The following SNTG1 variants were observed in gnomAD, a reference collection of about 807,000 sequenced individuals.
SNTG1 encodes gamma-1-syntrophin.
SNTG1 carries 39 observed loss-of-function variants against 74.7 expected under a neutral mutation model. The ratio of observed to expected loss-of-function variants is 0.52; its 90% CI spans 0.40 to 0.68. The LOEUF is 0.68. SNTG1 is among the 30% of genes least tolerant of loss of function. The pLI, the probability that SNTG1 is intolerant of heterozygous loss-of-function variation, is 0.00. For synonymous variants in SNTG1, 254 were observed against 217.1 expected (o/e 1.17, Z -1.49); for missense variants, 685 against 609.5 (o/e 1.12, Z -1.30).
chr8:50,394,174 G>A (rs576021915), intron 2 of SNTG1, 38 bp from the exon 3 acceptor site: 28 of 1,538,456 alleles, frequency 1.8e-5, no homozygotes, highest in Non-Finnish European at 2.4e-5. Flanking sequence ...TACATGCCAT[G>A]CTGTGCCTAA....
chr8:50,209,238 T>G (rs916030252), intron 2 of SNTG1, among the ~76,000 whole-genome samples: 4 of 152,100 alleles, frequency 2.6e-5, no homozygotes, highest in African/African-American at 9.7e-5. Flanking sequence ...TCGAACTGGA[T>G]GGAGCCCACT....
At position 50,301,825 on chromosome 8, in the gene SNTG1, G is replaced by C. The variant is rs1320263983; in HGVS notation, c.-27-92387G>C. On this transcript the variant is annotated intron_variant, in intron 2 of 18. Transcript: ENST00000642720. ...ATGTATTTATTGAAGTTTCTGCTCTGTTTTGTTTTTGTTTTTGTTTTCTGT... is the reference window on the plus strand; with the variant it reads ...ATGTATTTATTGAAGTTTCTGCTCTCTTTTGTTTTTGTTTTTGTTTTCTGT... Among the ~76,000 whole-genome samples, 4 of 150,422 alleles carry C rather than the reference G, an allele frequency of 2.7e-5. No individual in the cohort carries two copies. In the South Asian group the frequency reaches 6.3e-4, roughly 24 times the overall value.
intron 3 of SNTG1, among the ~76,000 whole-genome samples, chr8:50,397,532 G>A (rs1230139935): frequency 1.3e-5 from 2 of 152,138 alleles, no homozygotes; most frequent in Non-Finnish European, 2.9e-5. Context: ...TCCTAGTAGC[G>A]TGGCTTTGGG....
intron 8 of SNTG1, among the ~76,000 whole-genome samples, chr8:50,478,033 C>T (rs927229914): frequency 2.6e-5 from 4 of 152,058 alleles, no homozygotes; most frequent in Admixed American, 6.5e-5. Context: ...ATCTAGATGA[C>T]CCATTACTTT....
intron 2 of SNTG1, among the ~76,000 whole-genome samples, chr8:50,384,955 C>T (rs2092550794): frequency 6.6e-6 from 1 of 152,126 alleles, no homozygotes; most frequent in Non-Finnish European, 1.5e-5. Flanking sequence ...CATGGTTAAT[C>T]ATTCTGTATC....
chr8:50,691,704 G>A (rs2095380476), intron 15 of SNTG1, among the ~76,000 whole-genome samples: 1 of 152,040 alleles, frequency 6.6e-6, no homozygotes, highest in South Asian at 2.1e-4. Context: ...TTTCAACTTT[G>A]GTGAATCTGA....
Position 50,119,573 on chromosome 8 carries a change from CTAAT to C in SNTG1, c.-102-52978_-102-52975del, listed in dbSNP as rs1253505014. Among the ~76,000 whole-genome samples, 13 of 141,424 alleles carry C rather than the reference CTAAT, an allele frequency of 9.2e-5. 3 individuals are homozygous for C. Among genetic ancestry groups the C allele is most frequent in the South Asian group, 5.3e-4 (2 of 3,764 alleles). The allele number at this position is 141,424 out of a possible 152,430, so 92.8% of individuals were successfully genotyped here. A position where few individuals can be genotyped will look rare whatever the true frequency, so the allele number is the denominator to read the frequency against. On this transcript the variant is annotated intron_variant, in intron 1 of 18. Coordinates refer to ENST00000642720, the MANE Select transcript of SNTG1 (RefSeq NM_018967.5). ...CAAATCCTGGTTCAACTAATTACAACTAATTAATTAATTTATATAAATTGTGATA... is the reference window on the plus strand; with the variant it reads ...CAAATCCTGGTTCAACTAATTACAACTAATTAATTTATATAAATTGTGATA...
intron 12 of SNTG1, among the ~76,000 whole-genome samples, chr8:50,586,778 A>G (rs1338214611): frequency 6.6e-6 from 1 of 152,066 alleles, no homozygotes; most frequent in Non-Finnish European, 1.5e-5. Context: ...TTTTTGAAAA[A>G]TGTGTATTCT....
At chr8:50,505,940 A>C (rs954202390) in intron 9 of SNTG1, among the ~76,000 whole-genome samples, 1 of 152,038 alleles carries the variant, frequency 6.6e-6, no homozygotes, top group Non-Finnish European at 1.5e-5. Context: ...CAATGTCATA[A>C]AGATTTTTCT....
intron 2 of SNTG1, among the ~76,000 whole-genome samples, chr8:50,192,079 C>A (rs1024673010): frequency 1.3e-5 from 2 of 152,270 alleles, no homozygotes; most frequent in African/African-American, 4.8e-5. Context: ...TTCCGTGTGG[C>A]CTGATTTATT....
At chr8:50,399,413 A>G (rs2131338657) in intron 3 of SNTG1, among the ~76,000 whole-genome samples, 1 of 152,348 alleles carries the variant, frequency 6.6e-6, no homozygotes, top group East Asian at 1.9e-4. Context: ...AAATTAAATG[A>G]GAACACCCTG....
chr8:50,697,560 G>T (rs2095409469), intron 15 of SNTG1, among the ~76,000 whole-genome samples: 1 of 152,092 alleles, frequency 6.6e-6, no homozygotes, highest in South Asian at 2.1e-4. Flanking sequence ...TTGACTGTGG[G>T]TTTGTCATAT....
chr8:50,020,481 C>T (rs1434811492), intron 1 of SNTG1, among the ~76,000 whole-genome samples: 2 of 152,136 alleles, frequency 1.3e-5, no homozygotes, highest in Non-Finnish European at 1.5e-5. Context: ...ACAATGCAAT[C>T]ATTTAGGAGA....
At chr8:50,292,784 T>C (rs545972309) in intron 2 of SNTG1, among the ~76,000 whole-genome samples, 1 of 152,188 alleles carries the variant, frequency 6.6e-6, no homozygotes, top group Non-Finnish European at 1.5e-5. Flanking sequence ...GGGATGTATA[T>C]TTTAATATTT....
At chr8:50,102,117 C>T (rs1383430538) in intron 1 of SNTG1, among the ~76,000 whole-genome samples, 2 of 150,956 alleles carry the variant, frequency 1.3e-5, no homozygotes, top group Admixed American at 6.6e-5. Flanking sequence ...AGTTCTAGAT[C>T]CCTGAGGAAT....
At chr8:50,361,642 G>A (rs1237522264) in intron 2 of SNTG1, among the ~76,000 whole-genome samples, 2 of 152,100 alleles carry the variant, frequency 1.3e-5, no homozygotes, top group Admixed American at 1.3e-4. Context: ...AGAATCTTCT[G>A]CTAAACCCTT....
At position 50,156,067 on chromosome 8, in the gene SNTG1, C is replaced by A. The variant is rs371234773; in HGVS notation, c.-102-16494C>A. Among the ~76,000 whole-genome samples the A allele has an allele frequency of 7.2e-3, 1,096 of 152,014 alleles. 8 individuals carry two copies. The highest frequency in any genetic ancestry group is 0.016 in the South Asian group (75 of 4,820). On this transcript the variant is annotated intron_variant, in intron 1 of 18. Coordinates refer to ENST00000642720, the MANE Select transcript of SNTG1 (RefSeq NM_018967.5). The stretch of plus-strand genomic sequence containing the variant: ...AAAATAGAATCTGCTAAGACTAATA[C>A]AAAAAGAGGAAATCTGAATAGCCTT...
intron 15 of SNTG1, among the ~76,000 whole-genome samples, chr8:50,697,512 T>C (rs2095409346): frequency 6.6e-6 from 1 of 152,166 alleles, no homozygotes. Context: ...CCAGTTCTTA[T>C]GGGGAATACT....
chr8:50,488,451 C>T lies in SNTG1; in HGVS notation c.364-14327C>T, dbSNP rs576379267. Among the ~76,000 whole-genome samples, 8 of 152,248 alleles carry T rather than the reference C, an allele frequency of 5.3e-5. No individual in the cohort carries two copies. The East Asian group carries it at 7.7e-4, about 15-fold the overall frequency. ...TGCTTACCTCCTTCTATCCCTTGGT[C>T]GGAAATCCTATCAATGGGTCCTACC... On this transcript the variant is annotated intron_variant, in intron 8 of 18. Coordinates refer to ENST00000642720, the MANE Select transcript of SNTG1 (RefSeq NM_018967.5).
Sources: allele counts gnomAD v4.1 joint callset (sites outside exome capture counted in the v4.1 genomes callset), GRCh38; gene constraint gnomAD v4.1.1; transcripts MANE v1.5; gene names NCBI Gene and HGNC (gene_info 2026-07-23, HGNC 2026-07-21).